Variants in CTNNA3 observed in about 807,000 individuals in gnomAD.
CTNNA3 encodes the protein catenin alpha-3.
A neutral mutation model predicts 95.7 loss-of-function variants in CTNNA3; 76 were observed. The ratio of observed to expected loss-of-function variants is 0.79; its 90% CI spans 0.66 to 0.96. The LOEUF (loss-of-function observed/expected upper bound fraction) is 0.96, where lower values mean the gene tolerates loss of function less well. Among genes scored for constraint, CTNNA3 ranks in the 40% least tolerant of loss-of-function variants. CTNNA3 has a pLI of 0.00. For missense variants in CTNNA3, 1,191 were observed against 1,089.8 expected (o/e 1.09, Z -1.31); for synonymous variants, 431 against 374.4 (o/e 1.15, Z -1.74).
chr10:67,133,325 T>TATATATATATA, intron 7 of CTNNA3, among the ~76,000 whole-genome samples: 1 of 39,312 alleles, frequency 2.5e-5, no homozygotes, highest in East Asian at 6.1e-4. Flanking sequence ...ATATATATAT[T>TATATATATATA]TATACACACA....
chr10:66,287,490 C>T (rs2091608525), intron 12 of CTNNA3, among the ~76,000 whole-genome samples: 1 of 151,988 alleles, frequency 6.6e-6, no homozygotes, highest in Non-Finnish European at 1.5e-5. Context: ...AGCCTGTGCC[C>T]ATAGCCACTA....
chr10:67,144,842 T>C (rs1231572393), intron 7 of CTNNA3, among the ~76,000 whole-genome samples: 1 of 152,236 alleles, frequency 6.6e-6, no homozygotes, highest in Admixed American at 6.5e-5. Context: ...AACTTTTCCT[T>C]TGCATTCACA....
intron 5 of CTNNA3, among the ~76,000 whole-genome samples, chr10:67,361,359 C>T (rs1234916003): frequency 2.0e-5 from 3 of 152,098 alleles, no homozygotes; most frequent in African/African-American, 7.2e-5. Context: ...TACTGCAAGA[C>T]TGATCACATG....
intron 9 of CTNNA3, among the ~76,000 whole-genome samples, chr10:66,748,868 G>A (rs559750453): frequency 6.6e-6 from 1 of 151,844 alleles, no homozygotes; most frequent in African/African-American, 2.4e-5. Flanking sequence ...AAAGTCCATA[G>A]TTTACATAAA....
intron 8 of CTNNA3, among the ~76,000 whole-genome samples, chr10:66,773,007 C>G (rs556902637): frequency 1.3e-5 from 2 of 152,304 alleles, no homozygotes; most frequent in East Asian, 3.9e-4. Context: ...ATGCTTACAA[C>G]AACTGTTGGA....
chr10:66,590,715 T>G (rs1843520682), intron 10 of CTNNA3, among the ~76,000 whole-genome samples: 1 of 152,096 alleles, frequency 6.6e-6, no homozygotes, highest in Non-Finnish European at 1.5e-5. Context: ...TAGTTTGCCT[T>G]ATTTCTAGAG....
chr10:66,599,449 T>G (rs1843840705), intron 10 of CTNNA3, among the ~76,000 whole-genome samples: 1 of 152,070 alleles, frequency 6.6e-6, no homozygotes, highest in Admixed American at 6.6e-5. Flanking sequence ...TCCCTTCAAT[T>G]TTTGGCCCAT....
chr10:67,348,205 CAT>C (rs1269056389), intron 5 of CTNNA3, among the ~76,000 whole-genome samples: 3 of 152,084 alleles, frequency 2.0e-5, no homozygotes, highest in Non-Finnish European at 2.9e-5. Context: ...TAGAAGAAAA[CAT>C]AGTGGAAAAT....
intron 1 of CTNNA3, among the ~76,000 whole-genome samples, chr10:67,668,926 C>T (rs146288340): frequency 0.018 from 2,684 of 150,186 alleles, 84 homozygotes; most frequent in African/African-American, 0.063. Context: ...GCAACCTCCG[C>T]CTCCCCGGTT....
At chr10:66,288,544 G>C (rs375480532) in intron 12 of CTNNA3, among the ~76,000 whole-genome samples, 1 of 151,864 alleles carries the variant, frequency 6.6e-6, no homozygotes, top group African/African-American at 2.4e-5. Context: ...CCAGATATAC[G>C]CTGCTATTTA....
At chr10:66,639,163 G>A (rs1417579767) in intron 9 of CTNNA3, among the ~76,000 whole-genome samples, 2 of 150,364 alleles carry the variant, frequency 1.3e-5, no homozygotes. Context: ...AAATTCATGA[G>A]GGAAAAGCCT....
intron 15 of CTNNA3, among the ~76,000 whole-genome samples, chr10:66,029,478 A>C (rs1249131044): frequency 6.6e-6 from 1 of 152,144 alleles, no homozygotes; most frequent in East Asian, 1.9e-4. Flanking sequence ...CTATTTCTCT[A>C]GATATCTGTG....
At chr10:66,189,826 A>G (rs1045480950) in intron 13 of CTNNA3, among the ~76,000 whole-genome samples, 1 of 151,834 alleles carries the variant, frequency 6.6e-6, no homozygotes, top group South Asian at 2.1e-4. Flanking sequence ...CAGCCCACAG[A>G]ACTTCCTTTA....
intron 12 of CTNNA3, among the ~76,000 whole-genome samples, chr10:66,342,746 T>C (rs1003228870): frequency 6.6e-6 from 1 of 152,108 alleles, no homozygotes. Context: ...TTAGGTAATG[T>C]TGTAATATAA....
At chr10:65,953,619 A>C (rs1287028120) in intron 17 of CTNNA3, among the ~76,000 whole-genome samples, 1 of 151,578 alleles carries the variant, frequency 6.6e-6, no homozygotes, top group East Asian at 1.9e-4. Flanking sequence ...CCCACCTATG[A>C]GTAAGAACAT....
intron 17 of CTNNA3, among the ~76,000 whole-genome samples, chr10:65,935,637 A>G (rs1589146425): frequency 6.6e-6 from 1 of 152,030 alleles, no homozygotes; most frequent in African/African-American, 2.4e-5. Flanking sequence ...GCTTTTAATT[A>G]TTTTGTCCTT....
chr10:67,710,922 G>A (rs1030898086), intron 1 of CTNNA3, among the ~76,000 whole-genome samples: 37 of 152,288 alleles, frequency 2.4e-4, no homozygotes, highest in African/African-American at 5.8e-4. Context: ...GAATTCCCAC[G>A]TGTTGTGGGA....
At chr10:66,234,676 T>C (rs2132020634) in intron 13 of CTNNA3, among the ~76,000 whole-genome samples, 1 of 152,306 alleles carries the variant, frequency 6.6e-6, no homozygotes, top group East Asian at 1.9e-4. Context: ...GAGAATCAAC[T>C]GTTATTTTGC....
intron 12 of CTNNA3, among the ~76,000 whole-genome samples, chr10:66,310,841 G>A (rs534185729): frequency 7.5e-4 from 114 of 151,834 alleles, no homozygotes; most frequent in African/African-American, 2.4e-3. Context: ...CCACAACAAC[G>A]CCTGGCTAAT....
Sources: gnomAD v4.1 joint callset for allele counts (sites outside exome capture counted in the v4.1 genomes callset) on GRCh38, gnomAD v4.1.1 for gene constraint, MANE v1.5 for transcripts, NCBI Gene and HGNC (gene_info 2026-07-23, HGNC 2026-07-21) for gene names.